Variants in METTL14 observed in about 807,000 individuals in gnomAD.
METTL14 encodes the protein N(6)-adenosine-methyltransferase non-catalytic subunit METTL14.
METTL14 carries 32 observed loss-of-function variants against 62.4 expected under a neutral mutation model. The ratio of observed to expected loss-of-function variants is 0.51; its 90% CI spans 0.39 to 0.69. METTL14 has a LOEUF of 0.69. Ranked by LOEUF, METTL14 falls within the 30% of genes least tolerant of loss-of-function variation. METTL14 has a pLI of 0.00. For missense variants in METTL14, 340 were observed against 551.9 expected, an observed-to-expected ratio of 0.62 and a Z score of 3.85; for synonymous variants, 150 against 180.0, an observed-to-expected ratio of 0.83 and a Z score of 1.34.
chr4:118,706,375 A>T (rs1724756969), intron 10 of METTL14, among the ~76,000 whole-genome samples: 1 of 152,146 alleles, frequency 6.6e-6, no homozygotes, highest in Non-Finnish European at 1.5e-5. Context: ...GGCTTCTTTC[A>T]TTTGGTAATT....
chr4:118,693,614 A>C (rs1335676436), intron 5 of METTL14, among the ~76,000 whole-genome samples: 1 of 152,184 alleles, frequency 6.6e-6, no homozygotes, highest in Non-Finnish European at 1.5e-5. Flanking sequence ...CAAAATGTAG[A>C]TGTAGCATAA....
At position 118,710,372 on chromosome 4, in the gene METTL14, A is replaced by G. The variant is rs1724883677; in HGVS notation, c.*70A>G. 2 of 1,427,082 alleles carry G rather than the reference A, an allele frequency of 1.4e-6. No individual in the cohort carries two copies. The highest frequency in any genetic ancestry group is 2.9e-5 in the African/African-American group (2 of 70,014). 88.4% of individuals were successfully genotyped at this position (1,427,082 alleles called of 1,614,324 possible). A position where few individuals can be genotyped will look rare whatever the true frequency, so the allele number is the denominator to read the frequency against. On this transcript the variant is annotated 3_prime_UTR_variant, in exon 11 of 11. Transcript: ENST00000388822. ...ATTGTAATTAAATTTCAAGTGGGAGACTTAACTTTAGAACTCACTTCCAGC... is the reference window on the plus strand; with the variant it reads ...ATTGTAATTAAATTTCAAGTGGGAGGCTTAACTTTAGAACTCACTTCCAGC...
Position 118,685,608 on chromosome 4 carries a change from GC to G in METTL14, c.66+11del. 6.2e-7 allele frequency: 1 copy of G among 1,613,856 alleles called. No homozygotes were observed. Among genetic ancestry groups the G allele is most frequent in the African/African-American group, 1.3e-5 (1 of 75,050 alleles). On this transcript the variant is annotated intron_variant, in intron 1 of 10. Transcript: ENST00000388822. ...CAGCTCCTCGCGCAGCAGGTCCGCG[GC>G]CCTGGTGTCCCCTGTGGGAGGGATC...
chr4:118,685,409 A>C lies in METTL14; in HGVS notation c.-126A>C. ...CGCGCCGGAAGTCTCTACTGAGGAA[A>C]GCTATGAGGATACTCTGTTCGTAAG... is the stretch of plus-strand genomic sequence containing the variant. On this transcript the variant is annotated 5_prime_UTR_variant, in exon 1 of 11. Transcript: ENST00000388822. 1 of 943,956 alleles carries C rather than the reference A, an allele frequency of 1.1e-6. No homozygotes were observed. The highest frequency in any genetic ancestry group is 1.4e-5 in the South Asian group (1 of 71,580). 58.5% of individuals were successfully genotyped at this position (943,956 alleles called of 1,614,324 possible). A position where few individuals can be genotyped will look rare whatever the true frequency, so the allele number is the denominator to read the frequency against.
Position 118,711,778 on chromosome 4 carries a change from G to T in METTL14, c.*1476G>T, listed in dbSNP as rs1439456884. The T allele has an allele frequency of 6.6e-6, 1 of 152,040 alleles. No individual in the cohort carries two copies. The highest frequency in any genetic ancestry group is 1.5e-5 in the Non-Finnish European group (1 of 68,032). 9.4% of individuals were successfully genotyped at this position (152,040 alleles called of 1,614,324 possible). On this transcript the variant is annotated 3_prime_UTR_variant, in exon 11 of 11. Coordinates refer to ENST00000388822, the MANE Select transcript of METTL14 (RefSeq NM_020961.4). ...ACTAATTACAAATTATCTAGATTTA[G>T]AACTCTATATGTCAGCATTGACCTG...
At chr4:118,698,999 G>T (rs1444693380) in intron 7 of METTL14, among the ~76,000 whole-genome samples, 4 of 152,102 alleles carry the variant, frequency 2.6e-5, no homozygotes, top group Non-Finnish European at 5.9e-5. Flanking sequence ...AAAACGAGTT[G>T]TTCAGTGATG....
chr4:118,713,709 G>A lies in METTL14; in HGVS notation c.*3407G>A, dbSNP rs1339545668. On this transcript the variant is annotated 3_prime_UTR_variant, in exon 11 of 11. Transcript: ENST00000388822. ...CCTCTCTTTGATGTTGGGTAATAGA[G>A]GCTGAACTTTTCTTGTGTATATATA... The A allele has an allele frequency of 6.6e-6, 1 of 151,430 alleles. No homozygotes were observed. The highest frequency in any genetic ancestry group is 1.5e-5 in the Non-Finnish European group (1 of 68,022). 9.4% of individuals were successfully genotyped at this position (151,430 alleles called of 1,614,324 possible). A position where few individuals can be genotyped will look rare whatever the true frequency, so the allele number is the denominator to read the frequency against.
intron 6 of METTL14, among the ~76,000 whole-genome samples, chr4:118,696,860 T>G (rs1553981095): frequency 6.6e-6 from 1 of 152,080 alleles, no homozygotes; most frequent in Non-Finnish European, 1.5e-5. Context: ...CAGAGACACA[T>G]CTGAGTATGG....
At chr4:118,692,661 G>C (rs1181248797) in intron 5 of METTL14, among the ~76,000 whole-genome samples, 1 of 151,862 alleles carries the variant, frequency 6.6e-6, no homozygotes, top group Non-Finnish European at 1.5e-5. Context: ...TTGCATTTTA[G>C]ACAGATTTAT....
At chr4:118,689,701 G>T in intron 3 of METTL14, among the ~76,000 whole-genome samples, 1 of 146,776 alleles carries the variant, frequency 6.8e-6, no homozygotes. Context: ...GGAGTGTAAT[G>T]GCACAATCTC....
chr4:118,698,310 G>T (rs1199313163), intron 7 of METTL14, among the ~76,000 whole-genome samples: 1 of 151,608 alleles, frequency 6.6e-6, no homozygotes, highest in African/African-American at 2.4e-5. Flanking sequence ...AAAATTAGCC[G>T]GGTGTGGTGG....
chr4:118,699,390 C>A (rs997821986), intron 7 of METTL14, among the ~76,000 whole-genome samples: 7 of 152,102 alleles, frequency 4.6e-5, no homozygotes, highest in Admixed American at 3.3e-4. Flanking sequence ...CAGAAAAGTG[C>A]ACAGAATGTG....
At chr4:118,686,191 A>G (rs17050448) in intron 1 of METTL14, among the ~76,000 whole-genome samples, 4,481 of 152,284 alleles carry the variant, frequency 0.029, 218 homozygotes, top group African/African-American at 0.1. Flanking sequence ...CAAGTAATGA[A>G]AAAGGCTCCA....
intron 10 of METTL14, among the ~76,000 whole-genome samples, chr4:118,706,181 G>A (rs1158930023): frequency 6.6e-6 from 1 of 152,164 alleles, no homozygotes; most frequent in Non-Finnish European, 1.5e-5. Flanking sequence ...AATGTATAAT[G>A]ACATCTATCC....
Position 118,700,609 on chromosome 4 carries a change from T to C in METTL14, c.705T>C (p.Cys235=). The C allele has an allele frequency of 6.2e-7, 1 of 1,613,046 alleles. No homozygotes were observed. The highest frequency in any genetic ancestry group is 8.5e-7 in the Non-Finnish European group (1 of 1,179,306). ...AAPRSFIFLW[C]GSGEGLDLGR... ...CTCGATCATTTATTTTTCTCTGGTG[T>C]GGTTCTGGGGAGGGGTTGGACCTTG... Residue 235 remains cysteine (C), a synonymous_variant, in exon 8 of 11, where the codon TGT becomes TGC. Coordinates refer to ENST00000388822, the MANE Select transcript of METTL14 (RefSeq NM_020961.4).
At chr4:118,694,050 G>A (rs1724328897) in intron 5 of METTL14, among the ~76,000 whole-genome samples, 1 of 142,126 alleles carries the variant, frequency 7.0e-6, no homozygotes, top group African/African-American at 2.5e-5. Flanking sequence ...TAACAATCAG[G>A]TTCTTTAGGA....
At position 118,685,475 on chromosome 4, in the gene METTL14, G is replaced by A; in HGVS notation, c.-60G>A. On this transcript the variant is annotated 5_prime_UTR_variant, in exon 1 of 11. Coordinates refer to ENST00000388822, the MANE Select transcript of METTL14 (RefSeq NM_020961.4). ...GTTCCACAGACTCGGAAGAAAGGTTGGATAAGAGTTCACTGGAGATTGACA... is the reference window on the plus strand; with the variant it reads ...GTTCCACAGACTCGGAAGAAAGGTTAGATAAGAGTTCACTGGAGATTGACA... The A allele has an allele frequency of 1.3e-6, 2 of 1,494,606 alleles. No individual in the cohort carries two copies. Among genetic ancestry groups the A allele is most frequent in the Non-Finnish European group, 1.9e-6 (2 of 1,070,906 alleles). The allele number at this position is 1,494,606 out of a possible 1,614,324, so 92.6% of individuals were successfully genotyped here. A position where few individuals can be genotyped will look rare whatever the true frequency, so the allele number is the denominator to read the frequency against.
In METTL14 at chr4:118,710,350, G is replaced by A. The variant is rs567197624; in HGVS notation, c.*48G>A. ...TCATCCTCCTCTAACCTTCTTTATT[G>A]TAATTAAATTTCAAGTGGGAGACTT... On this transcript the variant is annotated 3_prime_UTR_variant, in exon 11 of 11. Transcript: ENST00000388822. 2.6e-6 allele frequency: 4 copies of A among 1,510,354 alleles called. No homozygotes were observed. The highest frequency in any genetic ancestry group is 2.4e-4 in the Middle Eastern group (1 of 4,098). The allele number at this position is 1,510,354 out of a possible 1,614,324, so 93.6% of individuals were successfully genotyped here.
At position 118,692,040 on chromosome 4, in the gene METTL14, T is replaced by C. The variant is rs112348803; in HGVS notation, c.384T>C (p.His128=). ...DYCQHFVDTG[H]RPQNFIRDVG... ...GCCAACATTTTGTAGACACTGGACA[T>C]AGACCTCAGAATTTCATCAGGGATG... Residue 128 remains histidine, a synonymous_variant, in exon 5 of 11, where the codon CAT becomes CAC. Coordinates refer to ENST00000388822, the MANE Select transcript of METTL14 (RefSeq NM_020961.4). The C allele has an allele frequency of 6.2e-7, 1 of 1,611,232 alleles. No individual in the cohort carries two copies. The highest frequency in any genetic ancestry group is 8.5e-7 in the Non-Finnish European group (1 of 1,178,440).
Sources: gnomAD v4.1 joint callset for allele counts (sites outside exome capture counted in the v4.1 genomes callset) on GRCh38, gnomAD v4.1.1 for gene constraint, MANE v1.5 for transcripts, NCBI Gene and HGNC (gene_info 2026-07-23, HGNC 2026-07-21) for gene names.